SV2C: variants seen among roughly 807,000 people sequenced by gnomAD.
SV2C encodes the protein solute carrier family 22 member B3.
Under a neutral mutation model 79.7 loss-of-function variants are expected in SV2C, and 49 were observed. The ratio of observed to expected loss-of-function variants is 0.61; its 90% CI spans 0.49 to 0.78. The LOEUF (loss-of-function observed/expected upper bound fraction) is 0.78. SV2C is among the 30% of genes least tolerant of loss of function. SV2C has a pLI of 0.00. For synonymous variants in SV2C, 334 were observed against 333.2 expected, an observed-to-expected ratio of 1.00 and a Z score of -0.03; for missense variants, 833 against 912.9, an observed-to-expected ratio of 0.91 and a Z score of 1.13.
the SV2C span, among the ~76,000 whole-genome samples, chr5:75,972,938 C>T: frequency 6.6e-6 from 1 of 152,040 alleles, no homozygotes; most frequent in African/African-American, 2.4e-5. Flanking sequence ...AAATGTCCAA[C>T]AATGATAGAC....
At chr5:76,015,106 T>C in the SV2C span, among the ~76,000 whole-genome samples, 2 of 152,182 alleles carry the variant, frequency 1.3e-5, no homozygotes, top group African/African-American at 4.8e-5. Flanking sequence ...ATGATATATA[T>C]GTCACTTCTA....
chr5:75,941,778 AG>A, the SV2C span, among the ~76,000 whole-genome samples: 3 of 152,122 alleles, frequency 2.0e-5, no homozygotes, highest in Non-Finnish European at 4.4e-5. Flanking sequence ...TCTTTCTCCA[AG>A]GTAGGAATCT....
chr5:76,278,567 A>C (rs1412745076), intron 4 of SV2C, among the ~76,000 whole-genome samples: 1 of 152,218 alleles, frequency 6.6e-6, no homozygotes, highest in Non-Finnish European at 1.5e-5. Flanking sequence ...AAAATACAAC[A>C]AACATCCTTT....
At chr5:76,291,377 T>G (rs1312602421) in intron 7 of SV2C, 46 bp downstream of exon 7, 2 of 1,490,318 alleles carry the variant, frequency 1.3e-6, no homozygotes, top group South Asian at 2.5e-5. Context: ...TTTATTGCAT[T>G]TGAGGTTAGT....
chr5:76,006,666 C>T, the SV2C span, among the ~76,000 whole-genome samples: 1 of 152,096 alleles, frequency 6.6e-6, no homozygotes. Flanking sequence ...CCTCCAATTT[C>T]CTGGAGGAAG....
At chr5:75,949,874 G>A in the SV2C span, among the ~76,000 whole-genome samples, 5 of 152,146 alleles carry the variant, frequency 3.3e-5, no homozygotes, top group East Asian at 9.7e-4. Context: ...TGTTAAAGAG[G>A]TGACACAATT....
chr5:76,276,334 G>A (rs760231145), intron 4 of SV2C, among the ~76,000 whole-genome samples: 1 of 152,174 alleles, frequency 6.6e-6, no homozygotes, highest in Non-Finnish European at 1.5e-5. Flanking sequence ...TCAAGCCACA[G>A]GTTATCACCC....
At chr5:76,082,954 C>G (rs532754980), upstream of SV2C, among the ~76,000 whole-genome samples, 2 of 152,222 alleles carry the variant, frequency 1.3e-5, no homozygotes, top group Non-Finnish European at 1.5e-5. Context: ...GTCCAGCAGT[C>G]AGAACTCCCT....
the SV2C span, among the ~76,000 whole-genome samples, chr5:76,029,628 C>T: frequency 6.6e-6 from 1 of 152,172 alleles, no homozygotes; most frequent in Non-Finnish European, 1.5e-5. Context: ...AAAATTTACA[C>T]TTATTATTTT....
chr5:76,325,524 A>G lies in SV2C; in HGVS notation c.2161A>G (p.Thr721Ala), dbSNP rs1748969127. 6.2e-7 allele frequency: 1 copy of G among 1,614,016 alleles called. No individual in the cohort carries two copies. The highest frequency in any genetic ancestry group is 8.5e-7 in the Non-Finnish European group (1 of 1,179,976). Residue 721 changes from threonine (T) to alanine (A), a missense_variant, in exon 13 of 13, where the codon ACA becomes GCA. Physicochemically the swap from Thr to Ala is moderately conservative, Grantham distance 58 (BLOSUM62 0). Coordinates refer to ENST00000502798, the MANE Select transcript of SV2C (RefSeq NM_014979.4). ...GGLVGLCLPD[T>A]RTQVLM Reference sequence around the variant, plus strand: ...ACTCGTTGGGCTGTGCCTGCCTGACACACGAACCCAGGTTCTGATGTAATG... The same window carrying G: ...ACTCGTTGGGCTGTGCCTGCCTGACGCACGAACCCAGGTTCTGATGTAATG...
chr5:76,271,121 AG>A (rs1746838505), intron 4 of SV2C, among the ~76,000 whole-genome samples: 1 of 152,158 alleles, frequency 6.6e-6, no homozygotes, highest in East Asian at 1.9e-4. Flanking sequence ...AAATGTCAAA[AG>A]GGAAAAAAAA....
At chr5:76,338,590 T>C (rs1331017208), downstream of SV2C, among the ~76,000 whole-genome samples, 1 of 152,170 alleles carries the variant, frequency 6.6e-6, no homozygotes, top group African/African-American at 2.4e-5. Context: ...TGCTGTGCTA[T>C]TGCCCCCTCT....
At chr5:76,095,696 G>A (rs1747532176) in intron 1 of SV2C, among the ~76,000 whole-genome samples, 1 of 151,968 alleles carries the variant, frequency 6.6e-6, no homozygotes, top group Non-Finnish European at 1.5e-5. Context: ...TTATATACAA[G>A]TTTTTTAAAC....
rs565264771 is a variant in SV2C, at chr5:76,103,094, A to G, written c.-102+19582A>G. 4.6e-5 allele frequency among the ~76,000 whole-genome samples: 7 copies of G among 152,344 alleles called. No individual in the cohort carries two copies. The South Asian group carries it at 1.2e-3, about 27-fold the overall frequency. ...AAGACCATACAGGAATGTGTAAAAAAAAATGGAGATTGCAATAATGCATAA... is the reference window on the plus strand; with the variant it reads ...AAGACCATACAGGAATGTGTAAAAAGAAATGGAGATTGCAATAATGCATAA... On this transcript the variant is annotated intron_variant, in intron 1 of 12. Coordinates refer to ENST00000502798, the MANE Select transcript of SV2C (RefSeq NM_014979.4).
the SV2C span, among the ~76,000 whole-genome samples, chr5:75,945,725 A>G: frequency 3.3e-5 from 5 of 152,122 alleles, no homozygotes; most frequent in Non-Finnish European, 7.4e-5. Flanking sequence ...TCATACGAGT[A>G]TGTTCTCTAG....
chr5:76,049,375 T>C, the SV2C span, among the ~76,000 whole-genome samples: 2 of 151,168 alleles, frequency 1.3e-5, no homozygotes, highest in African/African-American at 2.4e-5. Context: ...AAGGCTACTA[T>C]GCAGTGGGTT....
intron 4 of SV2C, chr5:76,242,327 T>G: frequency 6.9e-7 from 1 of 1,450,978 alleles, no homozygotes; most frequent in African/African-American, 1.4e-5. Context: ...GGGACATAGG[T>G]GCTGGACGCG....
chr5:76,006,219 C>G, the SV2C span, among the ~76,000 whole-genome samples: 1 of 152,136 alleles, frequency 6.6e-6, no homozygotes, highest in African/African-American at 2.4e-5. Flanking sequence ...TCTAGAAACT[C>G]TGACCCAGTG....
intron 2 of SV2C, among the ~76,000 whole-genome samples, chr5:76,178,779 T>G (rs1743621839): frequency 6.6e-6 from 1 of 152,172 alleles, no homozygotes; most frequent in East Asian, 1.9e-4. Context: ...CAGATTGGAT[T>G]TGGGAATTAT....
Sources: allele counts gnomAD v4.1 joint callset (sites outside exome capture counted in the v4.1 genomes callset), GRCh38; gene constraint gnomAD v4.1.1; transcripts MANE v1.5; gene names NCBI Gene and HGNC (gene_info 2026-07-23, HGNC 2026-07-21).